DDAH1: variants seen among roughly 807,000 people sequenced by gnomAD.
DDAH1 encodes the protein N(G),N(G)-dimethylarginine dimethylaminohydrolase 1.
Under a neutral mutation model 28.8 loss-of-function variants are expected in DDAH1, and 19 were observed. That is an observed-to-expected ratio of 0.66 (90% CI 0.46 to 0.97). The LOEUF is 0.97. DDAH1 is among the 50% of genes least tolerant of loss of function. The pLI, the probability that DDAH1 is intolerant of heterozygous loss-of-function variation, is 0.00. For synonymous variants in DDAH1, 153 were observed against 154.4 expected, an observed-to-expected ratio of 0.99 and a Z score of 0.07; for missense variants, 326 against 375.9, an observed-to-expected ratio of 0.87 and a Z score of 1.10.
At chr1:85,408,025 C>T (rs918101812) in intron 1 of DDAH1, among the ~76,000 whole-genome samples, 5 of 152,086 alleles carry the variant, frequency 3.3e-5, no homozygotes, top group South Asian at 2.1e-4. Flanking sequence ...AGTGCAGGCC[C>T]GGGCTTACAA....
At chr1:85,327,448 C>T (rs544126767) in intron 4 of DDAH1, among the ~76,000 whole-genome samples, 1 of 152,274 alleles carries the variant, frequency 6.6e-6, no homozygotes, top group South Asian at 2.1e-4. Context: ...GCTTAGCATC[C>T]CTTCTACCTA....
chr1:85,443,938 T>C (rs1654319891), intron 1 of DDAH1, among the ~76,000 whole-genome samples: 2 of 152,224 alleles, frequency 1.3e-5, no homozygotes, highest in South Asian at 4.1e-4. Context: ...GTTTTCTAAA[T>C]ATAGAATCAT....
chr1:85,354,348 AT>A (rs965185381), intron 2 of DDAH1, among the ~76,000 whole-genome samples: 1 of 151,982 alleles, frequency 6.6e-6, no homozygotes, highest in Non-Finnish European at 1.5e-5. Flanking sequence ...TCATTCATAT[AT>A]TTTTTTAATA....
intron 1 of DDAH1, among the ~76,000 whole-genome samples, chr1:85,440,211 G>A (rs1298187086): frequency 1.3e-5 from 2 of 152,130 alleles, no homozygotes; most frequent in African/African-American, 2.4e-5. Context: ...AAATATCATT[G>A]CATAATTAAG....
intron 1 of DDAH1, among the ~76,000 whole-genome samples, chr1:85,501,289 C>T (rs1028049140): frequency 6.6e-6 from 1 of 152,126 alleles, no homozygotes; most frequent in Non-Finnish European, 1.5e-5. Context: ...GCTAGAGTAG[C>T]CCTCCTCCTA....
chr1:85,345,094 G>T (rs1648761726), intron 4 of DDAH1, among the ~76,000 whole-genome samples: 1 of 152,072 alleles, frequency 6.6e-6, no homozygotes, highest in African/African-American at 2.4e-5. Context: ...TCTGGACCAT[G>T]ACTGCCTCCC....
At chr1:85,472,002 C>T (rs1478032099) in intron 2 of DDAH1, among the ~76,000 whole-genome samples, 1 of 152,230 alleles carries the variant, frequency 6.6e-6, no homozygotes, top group Non-Finnish European at 1.5e-5. Context: ...CCATGCCCCA[C>T]TGAGGCTAGC....
At chr1:85,454,068 T>C (rs1046695518) in intron 1 of DDAH1, among the ~76,000 whole-genome samples, 4 of 152,134 alleles carry the variant, frequency 2.6e-5, no homozygotes, top group African/African-American at 9.7e-5. Flanking sequence ...TGCTTCCTAC[T>C]GGGTACAACC....
chr1:85,472,559 G>C (rs1222220218), intron 2 of DDAH1, among the ~76,000 whole-genome samples: 3 of 152,164 alleles, frequency 2.0e-5, no homozygotes, highest in Non-Finnish European at 4.4e-5. Context: ...TCCTAGCACA[G>C]TGTAATAACC....
In DDAH1 at chr1:85,505,918, C is replaced by T. The variant is rs1656999156; in HGVS notation, c.-122-9637G>A. Among the ~76,000 whole-genome samples the T allele has an allele frequency of 2.0e-5, 3 of 152,100 alleles. No homozygotes were observed. The South Asian group carries it at 6.2e-4, about 32-fold the overall frequency. On this transcript the variant is annotated intron_variant, in intron 1 of 6. Transcript: ENST00000426972. Reference sequence around the variant, plus strand: ...TGCCATAGAAGCCATGTCCTAAATTCTTCTATAGCATTACCTTTAACAGCC... The same window carrying T: ...TGCCATAGAAGCCATGTCCTAAATTTTTCTATAGCATTACCTTTAACAGCC...
intron 1 of DDAH1, among the ~76,000 whole-genome samples, chr1:85,372,243 C>T (rs1350313155): frequency 1.3e-5 from 2 of 152,138 alleles, no homozygotes; most frequent in African/African-American, 4.8e-5. Context: ...AGTGAAAAAA[C>T]ACCAGCTGAG....
chr1:85,339,864 G>A (rs1347895192), intron 4 of DDAH1, among the ~76,000 whole-genome samples: 3 of 152,096 alleles, frequency 2.0e-5, no homozygotes, highest in African/African-American at 4.8e-5. Context: ...AACTGACAAC[G>A]TTTCCTAATC....
intron 1 of DDAH1, among the ~76,000 whole-genome samples, chr1:85,497,849 C>A (rs115972240): frequency 1.3e-5 from 2 of 152,234 alleles, no homozygotes; most frequent in Non-Finnish European, 2.9e-5. Flanking sequence ...CACCAGATGA[C>A]CTTGAGAGAA....
chr1:85,369,750 A>G (rs112020295), intron 1 of DDAH1, among the ~76,000 whole-genome samples: 3 of 152,332 alleles, frequency 2.0e-5, no homozygotes, highest in African/African-American at 7.2e-5. Flanking sequence ...TAAACATTAA[A>G]AATATTAGTG....
chr1:85,457,981 A>G (rs1654969970), intron 1 of DDAH1, among the ~76,000 whole-genome samples: 2 of 151,160 alleles, frequency 1.3e-5, no homozygotes, highest in Non-Finnish European at 3.0e-5. Flanking sequence ...GAGCCACCAC[A>G]CCCAGCCCAA....
intron 4 of DDAH1, among the ~76,000 whole-genome samples, chr1:85,348,758 C>G (rs1301330353): frequency 6.6e-6 from 1 of 152,156 alleles, no homozygotes; most frequent in Non-Finnish European, 1.5e-5. Context: ...TAACGTAGTG[C>G]TAATTAGTCA....
intron 4 of DDAH1, among the ~76,000 whole-genome samples, chr1:85,330,873 A>G (rs1647720315): frequency 6.6e-6 from 1 of 152,246 alleles, no homozygotes; most frequent in African/African-American, 2.4e-5. Context: ...GGAGATGAAA[A>G]GCTATCATTT....
chr1:85,493,785 A>G (rs1656485186), intron 2 of DDAH1: 1 of 152,234 alleles, frequency 6.6e-6, no homozygotes, highest in Non-Finnish European at 1.5e-5. Context: ...TGTTGCTTCC[A>G]GAGACAGCTT....
intron 4 of DDAH1, among the ~76,000 whole-genome samples, chr1:85,327,621 C>T (rs1365599418): frequency 2.0e-5 from 3 of 152,176 alleles, no homozygotes; most frequent in African/African-American, 7.2e-5. Context: ...GCTTCAGAGT[C>T]AGAAAGGTCT....
Sources: gnomAD v4.1 joint callset for allele counts (sites outside exome capture counted in the v4.1 genomes callset) on GRCh38, gnomAD v4.1.1 for gene constraint, MANE v1.5 for transcripts, NCBI Gene and HGNC (gene_info 2026-07-23, HGNC 2026-07-21) for gene names.